Variants in LEKR1 observed in about 807,000 individuals in gnomAD.
The protein encoded by LEKR1 is leucine, glutamate and lysine rich 1.
In LEKR1, 59 loss-of-function variants were observed where a neutral mutation model predicts 72.4. That is an observed-to-expected ratio of 0.82 (90% confidence interval 0.66 to 1.01). LEKR1 has a LOEUF of 1.01. LEKR1 is among the 50% of genes least tolerant of loss of function. The pLI, the probability that LEKR1 is intolerant of heterozygous loss-of-function variation, is 0.00. For missense variants in LEKR1, 728 were observed against 759.2 expected, an observed-to-expected ratio of 0.96 and a Z score of 0.48; for synonymous variants, 257 against 263.2, an observed-to-expected ratio of 0.98 and a Z score of 0.23.
intron 6 of LEKR1, among the ~76,000 whole-genome samples, chr3:156,971,611 C>T (rs1405223500): frequency 2.6e-5 from 4 of 152,038 alleles, no homozygotes; most frequent in Non-Finnish European, 5.9e-5. Flanking sequence ...GGCTAATATC[C>T]AGAATCTACA....
At chr3:156,998,737 A>G (rs1395644335) in intron 9 of LEKR1, among the ~76,000 whole-genome samples, 5 of 152,122 alleles carry the variant, frequency 3.3e-5, no homozygotes, top group African/African-American at 1.2e-4. Flanking sequence ...CCATTTCCCC[A>G]TAAAGCATAA....
intron 3 of LEKR1, among the ~76,000 whole-genome samples, chr3:156,877,448 A>C (rs1384785456): frequency 6.6e-6 from 1 of 151,946 alleles, no homozygotes; most frequent in Non-Finnish European, 1.5e-5. Context: ...ATAGTCCTGG[A>C]TGTGTTTTTT....
chr3:156,994,128 C>A (rs1400702362), intron 9 of LEKR1, among the ~76,000 whole-genome samples: 4 of 151,928 alleles, frequency 2.6e-5, no homozygotes, highest in Non-Finnish European at 5.9e-5. Context: ...GTTTTTCATT[C>A]TTCCTATCAT....
chr3:156,852,862 A>C lies in LEKR1; in HGVS notation c.143A>C (p.Glu48Ala). The change falls in exon 3 of 13, where the codon GAA becomes GCA. Residue 48 changes from glutamate (E) to alanine (A), a missense_variant. Glu to Ala is a moderately radical substitution (Grantham distance 107). Coordinates refer to ENST00000356539, the MANE Select transcript of LEKR1 (RefSeq NM_001004316.3). Reference protein sequence around the residue: ...KAMEEKVKAMEKEMKFYQGSV... With the variant: ...KAMEEKVKAMAKEMKFYQGSV... ...ATGGAAGAAAAAGTGAAAGCAATGG[A>C]AAAAGAGATGAAATTTTATCAAGGA... is the stretch of plus-strand genomic sequence containing the variant. The C allele has an allele frequency of 6.5e-7, 1 of 1,534,612 alleles. No individual in the cohort carries two copies.
chr3:156,861,728 C>CT (rs1716781415), intron 3 of LEKR1, among the ~76,000 whole-genome samples: 2 of 152,036 alleles, frequency 1.3e-5, no homozygotes, highest in South Asian at 2.1e-4. Flanking sequence ...GTTCATATCA[C>CT]TTTTTTTGTC....
chr3:156,909,669 A>AAG (rs1722918277), intron 3 of LEKR1, among the ~76,000 whole-genome samples: 3 of 145,926 alleles, frequency 2.1e-5, no homozygotes, highest in Non-Finnish European at 3.0e-5. Context: ...AAAAAAAAAA[A>AAG]AAAGAAATCT....
intron 3 of LEKR1, among the ~76,000 whole-genome samples, chr3:156,880,231 C>T (rs1355684996): frequency 6.6e-6 from 1 of 152,224 alleles, no homozygotes; most frequent in African/African-American, 2.4e-5. Flanking sequence ...GGCTGTGGAG[C>T]CTACCTCTTG....
intron 12 of LEKR1, among the ~76,000 whole-genome samples, chr3:157,030,789 T>C (rs1734549130): frequency 6.6e-6 from 1 of 152,172 alleles, no homozygotes; most frequent in Non-Finnish European, 1.5e-5. Flanking sequence ...GGATTGGCTT[T>C]CAGGCTTACT....
intron 3 of LEKR1, among the ~76,000 whole-genome samples, chr3:156,898,062 A>C (rs1219365561): frequency 6.6e-6 from 1 of 152,194 alleles, no homozygotes; most frequent in East Asian, 1.9e-4. Flanking sequence ...ATCTTTAAAA[A>C]GTGCTAGACT....
At chr3:157,042,148 T>C (rs552512179) in intron 12 of LEKR1, among the ~76,000 whole-genome samples, 5 of 151,360 alleles carry the variant, frequency 3.3e-5, no homozygotes, top group Non-Finnish European at 7.3e-5. Context: ...TATGAAGATA[T>C]TGTGAGGTTC....
At chr3:156,974,020 T>C (rs1576928128) in intron 6 of LEKR1, among the ~76,000 whole-genome samples, 1 of 152,270 alleles carries the variant, frequency 6.6e-6, no homozygotes, top group East Asian at 1.9e-4. Context: ...AATACCGCCC[T>C]GGAGACATAC....
chr3:156,944,008 A>G (rs993704271), intron 6 of LEKR1, among the ~76,000 whole-genome samples: 1 of 151,730 alleles, frequency 6.6e-6, no homozygotes, highest in Admixed American at 6.6e-5. Context: ...TATAAATATT[A>G]TATTCTACAT....
chr3:156,899,614 A>G lies in LEKR1; in HGVS notation c.264-20961A>G, dbSNP rs149384074. Among the ~76,000 whole-genome samples the G allele has an allele frequency of 0.01, 1,092 of 104,834 alleles. 91 individuals carry two copies. The East Asian group carries it at 0.12, about 12-fold the overall frequency. 68.8% of individuals were successfully genotyped at this position (104,834 alleles called of 152,430 possible). On this transcript the variant is annotated intron_variant, in intron 3 of 12. Coordinates refer to ENST00000356539, the MANE Select transcript of LEKR1 (RefSeq NM_001004316.3). ...TATATACATATACGTATATATACACACATATATACACATATATACACGCAT... is the reference window on the plus strand; with the variant it reads ...TATATACATATACGTATATATACACGCATATATACACATATATACACGCAT...
chr3:156,958,277 C>G (rs1727828315), intron 6 of LEKR1, among the ~76,000 whole-genome samples: 1 of 152,136 alleles, frequency 6.6e-6, no homozygotes, highest in Non-Finnish European at 1.5e-5. Context: ...GCTTTATCCA[C>G]AGATATCTTT....
At chr3:157,015,798 A>G (rs967662868) in intron 10 of LEKR1, among the ~76,000 whole-genome samples, 5 of 152,128 alleles carry the variant, frequency 3.3e-5, no homozygotes, top group Non-Finnish European at 7.4e-5. Flanking sequence ...TAAAACAAAT[A>G]TGATAACTGT....
At chr3:157,021,968 C>T (rs190592363) in intron 10 of LEKR1, among the ~76,000 whole-genome samples, 1 of 152,112 alleles carries the variant, frequency 6.6e-6, no homozygotes, top group Admixed American at 6.5e-5. Context: ...TTTGGTTTCT[C>T]CTTTCATATA....
At chr3:156,998,938 G>A (rs1254951640) in intron 9 of LEKR1, among the ~76,000 whole-genome samples, 2 of 152,000 alleles carry the variant, frequency 1.3e-5, no homozygotes, top group East Asian at 3.9e-4. Context: ...TAATCCCCAC[G>A]TGTCATGGGA....
At chr3:156,988,282 A>C (rs551546118) in intron 7 of LEKR1, 5 of 202,802 alleles carry the variant, frequency 2.5e-5, no homozygotes, top group Admixed American at 2.4e-4. Flanking sequence ...ACAGCGGTAG[A>C]TATCTGTCTA....
intron 6 of LEKR1, among the ~76,000 whole-genome samples, chr3:156,966,745 T>A (rs1381478260): frequency 2.6e-5 from 4 of 152,210 alleles, no homozygotes; most frequent in Non-Finnish European, 2.9e-5. Flanking sequence ...CTCTGCAGAC[T>A]TGAATGTCCC....
Sources: allele counts gnomAD v4.1 joint callset (sites outside exome capture counted in the v4.1 genomes callset), GRCh38; gene constraint gnomAD v4.1.1; transcripts MANE v1.5; gene names NCBI Gene and HGNC (gene_info 2026-07-23, HGNC 2026-07-21).